Variants in TRAF3 observed in about 807,000 individuals in gnomAD.
TRAF3 encodes the protein TNF receptor associated factor 3.
In TRAF3, 13 loss-of-function variants were observed where a neutral mutation model predicts 62.3. The observed-to-expected ratio is 0.21, with a 90% CI of 0.14 to 0.33. TRAF3 has a LOEUF of 0.33. Among genes scored for constraint, TRAF3 ranks in the 10% least tolerant of loss-of-function variants. TRAF3 has a pLI of 1.00. For missense variants in TRAF3, 440 were observed against 741.8 expected (o/e 0.59, Z 4.73); for synonymous variants, 269 against 283.4 (o/e 0.95, Z 0.51).
At chr14:102,873,740 T>C (rs768073210) in intron 4 of TRAF3, among the ~76,000 whole-genome samples, 2 of 151,420 alleles carry the variant, frequency 1.3e-5, no homozygotes. Flanking sequence ...CTGTTGACTT[T>C]AGTATCTCAA....
intron 1 of TRAF3, among the ~76,000 whole-genome samples, chr14:102,794,917 G>GT (rs1320897290): frequency 2.0e-5 from 3 of 152,076 alleles, no homozygotes; most frequent in Non-Finnish European, 2.9e-5. Context: ...GGGTCCATAC[G>GT]TTTTTTCTTC....
At chr14:102,901,470 G>A (rs144050324) in intron 10 of TRAF3, among the ~76,000 whole-genome samples, 1 of 152,318 alleles carries the variant, frequency 6.6e-6, no homozygotes, top group African/African-American at 2.4e-5. Flanking sequence ...GTGGAGATGC[G>A]AGAGGCTTCC....
chr14:102,816,215 A>G (rs1467727869), intron 1 of TRAF3, among the ~76,000 whole-genome samples: 1 of 151,510 alleles, frequency 6.6e-6, no homozygotes, highest in Non-Finnish European at 1.5e-5. Context: ...TGATCCTCTC[A>G]CCTCAGCCCC....
In TRAF3 at chr14:102,905,701, G is replaced by A; in HGVS notation, c.1624G>A (p.Val542Ile). Residue 542 changes from valine (V) to isoleucine (I), a missense_variant, in exon 12 of 12, where the codon GTT becomes ATT. By Grantham distance (29) the Val-to-Ile change is conservative (BLOSUM62 3). This residue lies in a region of TRAF3 where 59 missense variants were observed against 120.9 expected (regional missense o/e 0.49). Transcript: ENST00000392745. ...SGCPVFVAQT[V>I]LENGTYIKDD... ...CTGCCCAGTCTTTGTGGCCCAAACT[G>A]TTCTAGAAAATGGGACATATATTAA... The A allele has an allele frequency of 6.2e-7, 1 of 1,612,462 alleles. No homozygotes were observed. Among genetic ancestry groups the A allele is most frequent in the Non-Finnish European group, 8.5e-7 (1 of 1,178,796 alleles).
intron 2 of TRAF3, among the ~76,000 whole-genome samples, chr14:102,866,280 G>A (rs1452575855): frequency 6.6e-6 from 1 of 152,206 alleles, no homozygotes; most frequent in Non-Finnish European, 1.5e-5. Context: ...GCCTGTCGGA[G>A]GGTGGGGATA....
At chr14:102,820,335 C>T (rs1208756926) in intron 1 of TRAF3, among the ~76,000 whole-genome samples, 4 of 152,000 alleles carry the variant, frequency 2.6e-5, no homozygotes, top group African/African-American at 4.8e-5. Flanking sequence ...AGACCAGGAG[C>T]GCTGCCCTCA....
At chr14:102,869,121 C>A (rs546896981) in intron 2 of TRAF3, among the ~76,000 whole-genome samples, 1 of 152,260 alleles carries the variant, frequency 6.6e-6, no homozygotes, top group African/African-American at 2.4e-5. Flanking sequence ...CTCCCTCACA[C>A]GCTCCTCACC....
At chr14:102,840,260 T>C (rs1433926782) in intron 2 of TRAF3, among the ~76,000 whole-genome samples, 3 of 152,230 alleles carry the variant, frequency 2.0e-5, no homozygotes, top group African/African-American at 7.2e-5. Context: ...TCTTGCTCTA[T>C]TGCCCAGGCT....
At chr14:102,793,903 G>A (rs1897934692) in intron 1 of TRAF3, among the ~76,000 whole-genome samples, 1 of 152,200 alleles carries the variant, frequency 6.6e-6, no homozygotes, top group African/African-American at 2.4e-5. Context: ...GGGCTCAGCT[G>A]GGTGATTCTT....
At chr14:102,791,036 T>C (rs977066276) in intron 1 of TRAF3, among the ~76,000 whole-genome samples, 140 of 151,036 alleles carry the variant, frequency 9.3e-4, no homozygotes, top group African/African-American at 2.7e-3. Context: ...TTTTTTTTTT[T>C]CGAGAGGGAG....
At position 102,903,445 on chromosome 14, in the gene TRAF3, G is replaced by A. The variant is rs1257019333; in HGVS notation, c.1135+16G>A. Reference sequence around the variant, plus strand: ...CGGAACACAGGTGAGGCAGGGGCCGGGGCCGGGCCAGCAGTGTGCATCTGG... The same window carrying A: ...CGGAACACAGGTGAGGCAGGGGCCGAGGCCGGGCCAGCAGTGTGCATCTGG... On this transcript the variant is annotated intron_variant, in intron 11 of 11. Coordinates refer to ENST00000392745, the MANE Select transcript of TRAF3 (RefSeq NM_145725.3). The surrounding 1 kb of genome is among the most constrained non-coding windows in gnomAD (Gnocchi z 6.4). 2 of 1,613,192 alleles carry A rather than the reference G, an allele frequency of 1.2e-6. No homozygotes were observed. The highest frequency in any genetic ancestry group is 4.5e-5 in the East Asian group (2 of 44,862).
chr14:102,878,806 C>T (rs1002547179), intron 6 of TRAF3, among the ~76,000 whole-genome samples: 6 of 151,832 alleles, frequency 4.0e-5, no homozygotes, highest in African/African-American at 1.5e-4. Flanking sequence ...GTGGGGCAGC[C>T]AGAGGGTGAG....
rs71119743 is a variant in TRAF3 at position 102,811,913 on chromosome 14, C to CTTTTTTTTTTTTTTTTTTTTTTTTTT, written c.-156-18416_-156-18391dup. Among the ~76,000 whole-genome samples, 6 of 47,090 alleles carry CTTTTTTTTTTTTTTTTTTTTTTTTTT rather than the reference C, an allele frequency of 1.3e-4. 1 individual carries two copies. Among genetic ancestry groups the CTTTTTTTTTTTTTTTTTTTTTTTTTT allele is most frequent in the Non-Finnish European group, 1.8e-4 (5 of 27,370 alleles). 30.9% of individuals were successfully genotyped at this position (47,090 alleles called of 152,430 possible). On this transcript the variant is annotated intron_variant, in intron 1 of 11. Coordinates refer to ENST00000392745, the MANE Select transcript of TRAF3 (RefSeq NM_145725.3). ...TAGGCTTGTGCCACCATGCCTGGCCCTTTTTTTTTTTTTTTTTTTTTTTTT... is the reference window on the plus strand; with the variant it reads ...TAGGCTTGTGCCACCATGCCTGGCCCTTTTTTTTTTTTTTTTTTTTTTTTTTTTTTTTTTTTTTTTTTTTTTTTTTT...
intron 1 of TRAF3, among the ~76,000 whole-genome samples, chr14:102,828,314 C>T (rs1173091795): frequency 6.6e-6 from 1 of 152,214 alleles, no homozygotes; most frequent in Non-Finnish European, 1.5e-5. Flanking sequence ...AATATGGAAA[C>T]AACTCGTGGT....
At chr14:102,894,107 G>A (rs369806798) in intron 9 of TRAF3, among the ~76,000 whole-genome samples, 272 of 152,212 alleles carry the variant, frequency 1.8e-3, no homozygotes, top group African/African-American at 5.9e-3. Flanking sequence ...CGGGCAGATT[G>A]CCTGAGCTCG....
rs1026127562 is a variant in TRAF3 at position 102,826,338 on chromosome 14, A to T, written c.-156-3996A>T. On this transcript the variant is annotated intron_variant, in intron 1 of 11. Coordinates refer to ENST00000392745, the MANE Select transcript of TRAF3 (RefSeq NM_145725.3). The surrounding 1 kb of genome is among the most constrained non-coding windows in gnomAD (Gnocchi z 4.6). ...CTGACATGTGGTGAGTCCTCCAGGAATGTGGCAGCAGAAGGAACACGTTGA... is the reference window on the plus strand; with the variant it reads ...CTGACATGTGGTGAGTCCTCCAGGATTGTGGCAGCAGAAGGAACACGTTGA... 2.6e-5 allele frequency among the ~76,000 whole-genome samples: 4 copies of T among 152,286 alleles called. No homozygotes were observed. The highest frequency in any genetic ancestry group is 9.6e-5 in the African/African-American group (4 of 41,560).
In TRAF3 at chr14:102,835,172, T is replaced by C. The variant is rs990956537; in HGVS notation, c.-18+4700T>C. 6.6e-5 allele frequency among the ~76,000 whole-genome samples: 10 copies of C among 150,682 alleles called. No individual in the cohort carries two copies. The East Asian group carries it at 1.8e-3, about 26-fold the overall frequency. On this transcript the variant is annotated intron_variant, in intron 2 of 11. Coordinates refer to ENST00000392745, the MANE Select transcript of TRAF3 (RefSeq NM_145725.3). ...AAAAACAGCCCAAATCACTGACCAT[T>C]AGAGAAATGCAAATCAAAACCACAG...
intron 1 of TRAF3, among the ~76,000 whole-genome samples, chr14:102,817,790 A>G (rs566211537): frequency 6.6e-6 from 1 of 152,204 alleles, no homozygotes; most frequent in African/African-American, 2.4e-5. Context: ...CTTTGGTGAA[A>G]AAGTTTGAGA....
chr14:102,804,607 C>T (rs1171052749), intron 1 of TRAF3, among the ~76,000 whole-genome samples: 1 of 152,182 alleles, frequency 6.6e-6, no homozygotes, highest in African/African-American at 2.4e-5. Flanking sequence ...CCCACCTCAG[C>T]CTCCCAAGTA....
Sources: gnomAD v4.1 joint callset for allele counts (sites outside exome capture counted in the v4.1 genomes callset) on GRCh38, gnomAD v4.1.1 for gene constraint, gnomAD v4.1.1 regional missense constraint, Gnocchi (gnomAD v3.1) non-coding constraint, MANE v1.5 for transcripts, NCBI Gene and HGNC (gene_info 2026-07-23, HGNC 2026-07-21) for gene names.